Variants in PRKCH observed in about 807,000 individuals in gnomAD.
PRKCH encodes protein kinase C eta type.
Under a neutral mutation model 82.5 loss-of-function variants are expected in PRKCH, and 28 were observed. The observed-to-expected ratio is 0.34, with a 90% CI of 0.25 to 0.47. PRKCH has a LOEUF of 0.47. PRKCH is among the 20% of genes least tolerant of loss of function. PRKCH has a pLI of 1.00. For missense variants in PRKCH, 705 were observed against 881.8 expected (o/e 0.80, Z 2.54); for synonymous variants, 322 against 327.4 (o/e 0.98, Z 0.18).
chr14:61,201,267 T>A (rs1256296627), intron 1 of PRKCH, among the ~76,000 whole-genome samples: 1 of 152,184 alleles, frequency 6.6e-6, no homozygotes, highest in Non-Finnish European at 1.5e-5. Flanking sequence ...CAAACAATTA[T>A]TTGAGGGTAG....
chr14:61,393,694 GC>G (rs2046723227), intron 2 of PRKCH, among the ~76,000 whole-genome samples: 1 of 152,188 alleles, frequency 6.6e-6, no homozygotes, highest in Non-Finnish European at 1.5e-5. Flanking sequence ...TCTTTCTGTG[GC>G]CCCATCTTTC....
At chr14:61,188,695 C>T in intron 1 of PRKCH, among the ~76,000 whole-genome samples, 1 of 71,066 alleles carries the variant, frequency 1.4e-5, no homozygotes, top group Non-Finnish European at 3.1e-5. Context: ...CACCCCCAGA[C>T]GTTGCTGTAG....
chr14:61,455,331 C>T (rs1200520666), intron 7 of PRKCH, among the ~76,000 whole-genome samples: 11 of 152,104 alleles, frequency 7.2e-5, no homozygotes, highest in East Asian at 3.9e-4. Context: ...TGAGCCACCG[C>T]GCCTGGCCTA....
At chr14:61,198,342 A>C (rs773990719) in intron 1 of PRKCH, among the ~76,000 whole-genome samples, 4 of 152,118 alleles carry the variant, frequency 2.6e-5, no homozygotes, top group Admixed American at 6.5e-5. Flanking sequence ...AAGCTCCCCA[A>C]ACATGACCGG....
intron 1 of PRKCH, among the ~76,000 whole-genome samples, chr14:61,311,380 C>T (rs1367130543): frequency 6.6e-6 from 1 of 152,222 alleles, no homozygotes; most frequent in East Asian, 1.9e-4. Context: ...AAAAGGATAG[C>T]TCCAGTGTTC....
intron 1 of PRKCH, among the ~76,000 whole-genome samples, chr14:61,216,423 T>C (rs576837675): frequency 2.0e-4 from 30 of 151,954 alleles, no homozygotes; most frequent in South Asian, 4.2e-4. Context: ...TCAGCTGAGA[T>C]TGGGCCACTG....
intron 1 of PRKCH, among the ~76,000 whole-genome samples, chr14:61,246,665 C>T (rs962341486): frequency 1.3e-5 from 2 of 152,124 alleles, no homozygotes; most frequent in African/African-American, 4.8e-5. Flanking sequence ...TCCCAGGTAC[C>T]TCTGCAGCCT....
chr14:61,269,833 C>G (rs549600055), intron 1 of PRKCH, among the ~76,000 whole-genome samples: 1 of 152,214 alleles, frequency 6.6e-6, no homozygotes, highest in Non-Finnish European at 1.5e-5. Context: ...AAATTGTACG[C>G]TGCGTTCCGT....
chr14:61,207,955 A>C (rs375817177), intron 1 of PRKCH, among the ~76,000 whole-genome samples: 4 of 152,220 alleles, frequency 2.6e-5, no homozygotes, highest in Admixed American at 6.5e-5. Context: ...TGACATGGAC[A>C]TTAGTCCGGT....
At chr14:61,344,187 T>C (rs1041839542) in intron 1 of PRKCH, 2 of 152,182 alleles carry the variant, frequency 1.3e-5, no homozygotes, top group African/African-American at 4.8e-5. Context: ...TCTGATGTCA[T>C]ATGCACTTCT....
intron 2 of PRKCH, among the ~76,000 whole-genome samples, chr14:61,422,230 T>A (rs977746149): frequency 6.6e-6 from 1 of 152,072 alleles, no homozygotes; most frequent in African/African-American, 2.4e-5. Flanking sequence ...GCTATAGGCA[T>A]GTACTACCAT....
At chr14:61,253,187 C>T (rs1020255905) in intron 1 of PRKCH, among the ~76,000 whole-genome samples, 2 of 152,170 alleles carry the variant, frequency 1.3e-5, no homozygotes, top group Admixed American at 6.5e-5. Flanking sequence ...CCCTTTAATA[C>T]TTATGTTAAG....
At chr14:61,453,724 G>A (rs1201408981) in intron 7 of PRKCH, among the ~76,000 whole-genome samples, 1 of 151,342 alleles carries the variant, frequency 6.6e-6, no homozygotes, top group Non-Finnish European at 1.5e-5. Context: ...CACAATTATG[G>A]TTCTCTGCAG....
chr14:61,411,376 G>A (rs889938755), intron 2 of PRKCH, among the ~76,000 whole-genome samples: 17 of 152,168 alleles, frequency 1.1e-4, no homozygotes, highest in African/African-American at 4.1e-4. Context: ...TATTTATTAG[G>A]CCTTAAACTG....
rs532758408 is a variant in PRKCH at position 61,241,676 on chromosome 14, C to G, written c.-19+54008C>G. Among the ~76,000 whole-genome samples the G allele has an allele frequency of 7.0e-4, 107 of 152,270 alleles. 3 individuals carry two copies. Among genetic ancestry groups the G allele is most frequent in the Admixed American group, 4.8e-3 (74 of 15,288 alleles). ...CATATTCCTGATCAACTTGGTGAAA[C>G]CTAGAGGGAGTCACTTTGGCAAGTG... On this transcript the variant is annotated intron_variant, in intron 1 of 3. Transcript: ENST00000555185.
intron 12 of PRKCH, among the ~76,000 whole-genome samples, chr14:61,542,096 G>C (rs941166191): frequency 2.0e-5 from 3 of 151,552 alleles, no homozygotes; most frequent in Non-Finnish European, 1.5e-5. Flanking sequence ...TCAAAACCAG[G>C]CTGGCCAACA....
chr14:61,321,881 C>T lies in PRKCH; in HGVS notation c.-221C>T. On this transcript the variant is annotated 5_prime_UTR_variant, in exon 1 of 14. Transcript: ENST00000332981. This position sits in a 1 kb window ranked among gnomAD's most constrained non-coding sequence, Gnocchi z 4.1. ...CTTCCCCGGCCCGCTGAGGGCTCGG[C>T]GGCGGGCTCCCCTCCTTTCCACCTC... 1.1e-5 allele frequency: 5 copies of T among 472,596 alleles called. No homozygotes were observed. The highest frequency in any genetic ancestry group is 5.9e-4 in the Middle Eastern group (1 of 1,706). The allele number at this position is 472,596 out of a possible 1,614,324, so 29.3% of individuals were successfully genotyped here.
chr14:61,349,524 G>A (rs570057474), intron 1 of PRKCH, among the ~76,000 whole-genome samples: 1 of 152,274 alleles, frequency 6.6e-6, no homozygotes, highest in African/African-American at 2.4e-5. Context: ...CATGCCAGAT[G>A]ACACCTTTTT....
intron 2 of PRKCH, among the ~76,000 whole-genome samples, chr14:61,397,712 A>G (rs758098120): frequency 4.4e-4 from 67 of 152,354 alleles, no homozygotes; most frequent in Non-Finnish European, 8.2e-4. Flanking sequence ...AATTGGCACC[A>G]AAATGTTTGA....
Sources: allele counts gnomAD v4.1 joint callset (sites outside exome capture counted in the v4.1 genomes callset), GRCh38; gene constraint gnomAD v4.1.1; non-coding constraint Gnocchi (gnomAD v3.1); transcripts MANE v1.5; gene names NCBI Gene and HGNC (gene_info 2026-07-23, HGNC 2026-07-21).